The following TRIM38 variants were observed in gnomAD, a reference collection of about 807,000 sequenced individuals.
The protein encoded by TRIM38 is tripartite motif containing 38.
A neutral mutation model predicts 35.8 loss-of-function variants in TRIM38; 35 were observed. That is an observed-to-expected ratio of 0.98 (90% CI 0.75 to 1.30). The LOEUF (loss-of-function observed/expected upper bound fraction) is 1.30. Among genes scored for constraint, TRIM38 ranks in the 50% most tolerant of loss-of-function variants. The pLI is 0.00. For missense variants in TRIM38, 545 were observed against 556.9 expected, an observed-to-expected ratio of 0.98 and a Z score of 0.21; for synonymous variants, 198 against 204.7, an observed-to-expected ratio of 0.97 and a Z score of 0.28.
At chr6:25,969,221 A>G in intron 3 of TRIM38, 104 bp from the exon 4 acceptor site, 1 of 847,958 alleles carries the variant, frequency 1.2e-6, no homozygotes, top group Admixed American at 2.4e-5. Context: ...GACTCTATAA[A>G]TATTCACTAT....
chr6:25,971,618 A>G (rs1760231058), intron 4 of TRIM38, among the ~76,000 whole-genome samples: 1 of 151,974 alleles, frequency 6.6e-6, no homozygotes, highest in African/African-American at 2.4e-5. Context: ...ATAACTGTCC[A>G]TTTTCTGGTC....
intron 7 of TRIM38, among the ~76,000 whole-genome samples, chr6:25,977,148 C>A (rs986966156): frequency 1.3e-4 from 20 of 152,160 alleles, no homozygotes; most frequent in Admixed American, 4.6e-4. Context: ...ATTAAGTAGA[C>A]ACATTTTCCT....
chr6:25,975,700 T>G (rs1170307733), intron 7 of TRIM38: 1 of 977,394 alleles, frequency 1.0e-6, no homozygotes, highest in African/African-American at 1.8e-5. Flanking sequence ...TATCTTTCCC[T>G]AAGTTTGTAC....
chr6:25,984,009 G>T lies in TRIM38; in HGVS notation c.*322G>T, dbSNP rs1172841430. 1 of 216,140 alleles carries T rather than the reference G, an allele frequency of 4.6e-6. No homozygotes were observed. The highest frequency in any genetic ancestry group is 9.1e-6 in the Non-Finnish European group (1 of 109,522). 13.4% of individuals were successfully genotyped at this position (216,140 alleles called of 1,614,324 possible). Reference sequence around the variant, plus strand: ...AGTAGGGGTACCCACAAGTCAGAAGGTCTGCGTTCTCCTAGTTTGTTTGCT... The same window carrying T: ...AGTAGGGGTACCCACAAGTCAGAAGTTCTGCGTTCTCCTAGTTTGTTTGCT... On this transcript the variant is annotated 3_prime_UTR_variant, in exon 8 of 8. Coordinates refer to ENST00000357085, the MANE Select transcript of TRIM38 (RefSeq NM_006355.5).
chr6:25,976,906 A>C (rs1026235799), intron 7 of TRIM38, among the ~76,000 whole-genome samples: 2 of 152,064 alleles, frequency 1.3e-5, no homozygotes, highest in Non-Finnish European at 2.9e-5. Flanking sequence ...ATGGTACCTA[A>C]TTGTGTACTT....
intron 7 of TRIM38, among the ~76,000 whole-genome samples, chr6:25,977,236 A>G (rs1471824197): frequency 6.6e-6 from 1 of 152,216 alleles, no homozygotes; most frequent in Non-Finnish European, 1.5e-5. Flanking sequence ...TAATTTTATT[A>G]GCCCCGTGTG....
Position 25,983,769 on chromosome 6 carries a change from T to C in TRIM38, c.*82T>C. The C allele has an allele frequency of 7.6e-7, 1 of 1,310,554 alleles. No homozygotes were observed. Among genetic ancestry groups the C allele is most frequent in the Non-Finnish European group, 1.0e-6 (1 of 965,882 alleles). 81.2% of individuals were successfully genotyped at this position (1,310,554 alleles called of 1,614,324 possible). The stretch of plus-strand genomic sequence containing the variant: ...ATAAGGGCAGACGTTTGGTCTGTTT[T>C]CTTCGCTGTCATTTCCTTAGTAGTT... On this transcript the variant is annotated 3_prime_UTR_variant, in exon 8 of 8. Transcript: ENST00000357085.
At position 25,988,496 on chromosome 6, in the gene TRIM38, C is replaced by CTTTTTTTCTTTTTTTT. The variant is rs1554143886; in HGVS notation, c.*4816_*4817insCTTTTTTTTTTTTTTT. On this transcript the variant is annotated 3_prime_UTR_variant, in exon 8 of 8. Coordinates refer to ENST00000357085, the MANE Select transcript of TRIM38 (RefSeq NM_006355.5). ...TTTCTTTTTCTTTTTTCTTTTCTTT[C>CTTTTTTTCTTTTTTTT]TTTTTTTTTTTTTTTTTGAGACAGA... 1.6e-5 allele frequency: 1 copy of CTTTTTTTCTTTTTTTT among 63,054 alleles called. No individual in the cohort carries two copies. Among genetic ancestry groups the CTTTTTTTCTTTTTTTT allele is most frequent in the African/African-American group, 7.0e-5 (1 of 14,186 alleles). 3.9% of individuals were successfully genotyped at this position (63,054 alleles called of 1,614,324 possible).
chr6:25,980,496 C>T (rs1222083144), intron 7 of TRIM38, among the ~76,000 whole-genome samples: 1 of 151,804 alleles, frequency 6.6e-6, no homozygotes, highest in African/African-American at 2.4e-5. Context: ...TCTCAGCTCA[C>T]TGCAACCTCT....
chr6:25,965,301 A>G (rs1759989250), intron 2 of TRIM38, among the ~76,000 whole-genome samples: 1 of 152,204 alleles, frequency 6.6e-6, no homozygotes, highest in African/African-American at 2.4e-5. Context: ...GCAACTATTA[A>G]GCAATCAAAA....
At chr6:25,977,854 C>G (rs769138835) in intron 7 of TRIM38, among the ~76,000 whole-genome samples, 5 of 152,074 alleles carry the variant, frequency 3.3e-5, no homozygotes, top group African/African-American at 1.2e-4. Flanking sequence ...GAACTCTCCA[C>G]GTATATGGCA....
chr6:25,972,965 G>T (rs771705327), intron 5 of TRIM38, 89 bp from the exon 6 acceptor site: 50 of 1,540,452 alleles, frequency 3.2e-5, no homozygotes, highest in Non-Finnish European at 9.8e-6. Flanking sequence ...TTACTTCTTC[G>T]GGTAAAGCAA....
In TRIM38 at chr6:25,983,399, G is replaced by A. The variant is rs1190236596; in HGVS notation, c.1110G>A (p.Arg370=). The change falls in exon 8 of 8, where the codon AGG becomes AGA. Residue 370 remains arginine, a synonymous_variant. Transcript: ENST00000357085. ...GAGTTTGTATGGAAAATGTGCAGAG[G>A]GGCACTGGCATGAAGCAAGAGCCTC... ...DLGVCMENVQ[R]GTGMKQEPQS... The A allele has an allele frequency of 6.2e-7, 1 of 1,614,100 alleles. No homozygotes were observed. Among genetic ancestry groups the A allele is most frequent in the Non-Finnish European group, 8.5e-7 (1 of 1,180,022 alleles).
At chr6:25,973,539 G>A (rs191358490) in intron 7 of TRIM38, 1 of 980,276 alleles carries the variant, frequency 1.0e-6, no homozygotes, top group East Asian at 1.1e-4. Flanking sequence ...CAAGTGACTT[G>A]GTTTCCCCCT....
At position 25,972,088 on chromosome 6, in the gene TRIM38, A is replaced by C; in HGVS notation, c.727A>C (p.Lys243Gln). The change falls in exon 5 of 8, where the codon AAA (lysine) becomes CAA (glutamine). Residue 243 changes from lysine to glutamine, a missense_variant. By Grantham distance (53) the Lys-to-Gln change is moderately conservative (BLOSUM62 1). Transcript: ENST00000357085. ...GGAAAAATGTCAGGGCTCAGCCCAG[A>C]AATTGCTGCAGGTGAGGCTGTGTAC... ...LEEKCQGSAQ[K>Q]LLQNVNDTLS... 1.2e-6 allele frequency: 2 copies of C among 1,614,160 alleles called. No homozygotes were observed. Among genetic ancestry groups the C allele is most frequent in the Non-Finnish European group, 1.7e-6 (2 of 1,180,002 alleles).
chr6:25,982,117 C>T lies in TRIM38; in HGVS notation c.875-1047C>T, dbSNP rs1025409352. The stretch of plus-strand genomic sequence containing the variant: ...ATGGTGGAAGGCTGCCCTGCCGCAC[C>T]ACAAATCTAAGCCTAGGGCATAAAA... On this transcript the variant is annotated intron_variant, in intron 7 of 7. Transcript: ENST00000357085. 2.0e-5 allele frequency among the ~76,000 whole-genome samples: 3 copies of T among 152,128 alleles called. No homozygotes were observed. In the East Asian group the frequency reaches 5.8e-4, roughly 29 times the overall value.
At chr6:25,975,035 C>CTTTTTTTTTTTT (rs3035351) in intron 7 of TRIM38, 1 of 653,492 alleles carries the variant, frequency 1.5e-6, no homozygotes, top group Non-Finnish European at 1.9e-6. Context: ...TTCTTTCTTT[C>CTTTTTTTTTTTT]TTTTTTTTTT....
At chr6:25,969,910 CTTTA>C (rs999982850) in intron 4 of TRIM38, among the ~76,000 whole-genome samples, 2 of 152,004 alleles carry the variant, frequency 1.3e-5, no homozygotes, top group Admixed American at 6.6e-5. Context: ...AAGAAATATA[CTTTA>C]TTTATTTATT....
intron 7 of TRIM38, among the ~76,000 whole-genome samples, chr6:25,974,288 T>C (rs1760328360): frequency 6.6e-6 from 1 of 152,220 alleles, no homozygotes; most frequent in Non-Finnish European, 1.5e-5. Flanking sequence ...GGCTGTTGGC[T>C]GGAGGTTGCC....
Sources: gnomAD v4.1 joint callset for allele counts (sites outside exome capture counted in the v4.1 genomes callset) on GRCh38, gnomAD v4.1.1 for gene constraint, MANE v1.5 for transcripts, NCBI Gene and HGNC (gene_info 2026-07-23, HGNC 2026-07-21) for gene names.